Variants in CRACD observed in about 807,000 individuals in gnomAD.
CRACD encodes the protein capping protein inhibiting regulator of actin dynamics.
Under a neutral mutation model 106.8 loss-of-function variants are expected in CRACD, and 56 were observed. The ratio of observed to expected loss-of-function variants is 0.52; its 90% CI spans 0.42 to 0.66. CRACD has a LOEUF of 0.66. Ranked by LOEUF, CRACD falls within the 30% of genes least tolerant of loss-of-function variation. The probability of loss-of-function intolerance (pLI) is 0.00; values close to 1 mark genes in which losing one functional copy is unlikely to be tolerated. For missense variants in CRACD, 1,730 were observed against 1,623.2 expected, an observed-to-expected ratio of 1.07 and a Z score of -1.13; for synonymous variants, 754 against 670.8, an observed-to-expected ratio of 1.12 and a Z score of -1.92.
chr4:56,122,396 G>T (rs1408568184), intron 1 of CRACD, among the ~76,000 whole-genome samples: 1 of 151,004 alleles, frequency 6.6e-6, no homozygotes, highest in Non-Finnish European at 1.5e-5. Context: ...CAAAAAATTT[G>T]CAAAAATTAA....
chr4:56,190,696 C>T (rs1378018493), intron 2 of CRACD, among the ~76,000 whole-genome samples: 2 of 152,032 alleles, frequency 1.3e-5, no homozygotes, highest in Non-Finnish European at 2.9e-5. Context: ...TGGCATTGAG[C>T]GTCTGCAGCT....
Position 56,328,331 on chromosome 4 carries a change from G to A in CRACD, c.*527G>A, listed in dbSNP as rs750534481. 2 of 518,920 alleles carry A rather than the reference G, an allele frequency of 3.9e-6. No individual in the cohort carries two copies. Among genetic ancestry groups the A allele is most frequent in the Non-Finnish European group, 7.7e-6 (2 of 259,850 alleles). The allele number at this position is 518,920 out of a possible 1,614,324, so 32.1% of individuals were successfully genotyped here. On this transcript the variant is annotated 3_prime_UTR_variant, in exon 11 of 11. Coordinates refer to ENST00000682029, the MANE Select transcript of CRACD (RefSeq NM_001393381.1). ...GCAGTGAGTAATTGGGAATCACAAG[G>A]AACATTCTGGCACCCAACTGTGCCC...
chr4:56,213,152 A>G (rs1420208318), intron 2 of CRACD, among the ~76,000 whole-genome samples: 1 of 152,170 alleles, frequency 6.6e-6, no homozygotes, highest in Non-Finnish European at 1.5e-5. Context: ...GACAAATTAA[A>G]GAGTTTAATT....
At chr4:56,177,101 T>A (rs953962668) in intron 1 of CRACD, among the ~76,000 whole-genome samples, 16 of 152,202 alleles carry the variant, frequency 1.1e-4, no homozygotes, top group Non-Finnish European at 1.8e-4. Flanking sequence ...CTATGTTGAA[T>A]AAAAGTGGTG....
At chr4:56,165,509 T>A (rs1285379799) in intron 1 of CRACD, among the ~76,000 whole-genome samples, 1 of 152,162 alleles carries the variant, frequency 6.6e-6, no homozygotes, top group East Asian at 1.9e-4. Context: ...GGACACACAG[T>A]TAGTATGCAG....
chr4:56,219,609 G>C (rs922703496), intron 2 of CRACD, among the ~76,000 whole-genome samples: 1 of 152,142 alleles, frequency 6.6e-6, no homozygotes, highest in Non-Finnish European at 1.5e-5. Context: ...TGTTATTTCA[G>C]CCTCCCAAAG....
rs1265178544 is a variant in CRACD at position 56,171,801 on chromosome 4, C to T, written c.-335-7483C>T. 2.0e-5 allele frequency among the ~76,000 whole-genome samples: 3 copies of T among 152,002 alleles called. No homozygotes were observed. In the East Asian group the frequency reaches 5.8e-4, roughly 29 times the overall value. ...GTGGGGAATTTCAACCATATGCCTG[C>T]CTCCGTCCTGTGGGTAAGGCACCTG... On this transcript the variant is annotated intron_variant, in intron 1 of 10. Transcript: ENST00000682029.
intron 1 of CRACD, among the ~76,000 whole-genome samples, chr4:56,171,304 G>C (rs139391923): frequency 7.9e-4 from 120 of 151,816 alleles, no homozygotes; most frequent in Middle Eastern, 3.4e-3. Flanking sequence ...TATAGCTGAC[G>C]AGGAACAGAT....
chr4:56,194,508 A>G (rs1242461358), intron 2 of CRACD, among the ~76,000 whole-genome samples: 2 of 152,242 alleles, frequency 1.3e-5, no homozygotes, highest in African/African-American at 2.4e-5. Flanking sequence ...CCTGAAATTC[A>G]TATGTTAAGA....
At chr4:56,259,602 G>C (rs1045797323) in intron 2 of CRACD, among the ~76,000 whole-genome samples, 2 of 152,124 alleles carry the variant, frequency 1.3e-5, no homozygotes, top group East Asian at 1.9e-4. Flanking sequence ...AGGAATCAAG[G>C]GGTAGAAATA....
intron 2 of CRACD, among the ~76,000 whole-genome samples, chr4:56,232,172 A>G (rs553990827): frequency 2.6e-5 from 4 of 152,242 alleles, no homozygotes; most frequent in East Asian, 1.9e-4. Context: ...TCCTGTCACT[A>G]TAGATTAGTT....
At chr4:56,173,046 G>A (rs746362685) in intron 1 of CRACD, among the ~76,000 whole-genome samples, 24 of 152,198 alleles carry the variant, frequency 1.6e-4, no homozygotes, top group Non-Finnish European at 3.2e-4. Flanking sequence ...GTGAGCCACC[G>A]CACCCGGCCA....
intron 2 of CRACD, among the ~76,000 whole-genome samples, chr4:56,192,338 G>C (rs1413354689): frequency 6.6e-6 from 1 of 151,840 alleles, no homozygotes; most frequent in East Asian, 1.9e-4. Context: ...GTTGCAGTGA[G>C]CCAAGATCGT....
At chr4:56,321,487 G>A (rs1357204652) in intron 8 of CRACD, among the ~76,000 whole-genome samples, 1 of 152,178 alleles carries the variant, frequency 6.6e-6, no homozygotes, top group African/African-American at 2.4e-5. Context: ...ACCTTCCCAA[G>A]CAAGTTCAGA....
intron 2 of CRACD, among the ~76,000 whole-genome samples, chr4:56,241,174 G>A (rs1429507008): frequency 6.6e-6 from 1 of 152,186 alleles, no homozygotes; most frequent in African/African-American, 2.4e-5. Context: ...TGGTTATTCA[G>A]TACAGGGCTT....
intron 2 of CRACD, among the ~76,000 whole-genome samples, chr4:56,200,385 C>A (rs1737823884): frequency 6.6e-6 from 1 of 152,148 alleles, no homozygotes; most frequent in South Asian, 2.1e-4. Context: ...TCTAACTATG[C>A]TTTCTCTCTC....
chr4:56,124,867 G>A (rs1382633), intron 1 of CRACD, among the ~76,000 whole-genome samples: 87,832 of 151,964 alleles, frequency 0.58, 25,637 homozygotes, highest in African/African-American at 0.67. Flanking sequence ...CCTAAGTGGA[G>A]CCGCTGGCCA....
At chr4:56,301,082 T>A (rs2109729827) in intron 4 of CRACD, 1 of 441,392 alleles carries the variant, frequency 2.3e-6, no homozygotes, top group South Asian at 2.0e-5. Context: ...AGCTCTGTAG[T>A]TATACTTTTG....
intron 2 of CRACD, among the ~76,000 whole-genome samples, chr4:56,219,338 T>A (rs2109509387): frequency 6.6e-6 from 1 of 152,236 alleles, no homozygotes; most frequent in South Asian, 2.1e-4. Context: ...ATATTAGGTT[T>A]TGTTCGTTTG....
Sources: allele counts gnomAD v4.1 joint callset (sites outside exome capture counted in the v4.1 genomes callset), GRCh38; gene constraint gnomAD v4.1.1; transcripts MANE v1.5; gene names NCBI Gene and HGNC (gene_info 2026-07-23, HGNC 2026-07-21).